The following ODAD2 variants were observed in gnomAD, a reference collection of about 807,000 sequenced individuals.
ODAD2 encodes the protein outer dynein arm docking complex subunit 2.
ODAD2 carries 89 observed loss-of-function variants against 106.8 expected under a neutral mutation model. The ratio of observed to expected loss-of-function variants is 0.83; its 90% CI spans 0.70 to 0.99. ODAD2 has a LOEUF of 0.99. Ranked by LOEUF, ODAD2 falls within the 50% of genes least tolerant of loss-of-function variation. The pLI is 0.00. For missense variants in ODAD2, 1,168 were observed against 1,238.5 expected, an observed-to-expected ratio of 0.94 and a Z score of 0.85; for synonymous variants, 404 against 436.2, an observed-to-expected ratio of 0.93 and a Z score of 0.92.
chr10:27,834,667 C>A (rs1464523075), intron 19 of ODAD2, among the ~76,000 whole-genome samples: 1 of 152,100 alleles, frequency 6.6e-6, no homozygotes, highest in Non-Finnish European at 1.5e-5. Context: ...CAAAGGGAAG[C>A]CATGCTAGTG....
chr10:27,909,538 CG>C, intron 16 of ODAD2, among the ~76,000 whole-genome samples: 1 of 152,112 alleles, frequency 6.6e-6, no homozygotes, highest in Middle Eastern at 3.4e-3. Flanking sequence ...GACTCAGGGG[CG>C]GGGCCCAGTG....
chr10:27,990,750 A>G (rs575914334), intron 2 of ODAD2, among the ~76,000 whole-genome samples: 2 of 152,354 alleles, frequency 1.3e-5, no homozygotes, highest in South Asian at 4.1e-4. Context: ...AAGGTCCAGA[A>G]AGGTATAAAT....
At chr10:27,858,265 T>TC (rs756401498) in intron 19 of ODAD2, among the ~76,000 whole-genome samples, 3 of 152,018 alleles carry the variant, frequency 2.0e-5, no homozygotes, top group Non-Finnish European at 4.4e-5. Context: ...TTGTTATGCT[T>TC]CCCCCATGAC....
intron 19 of ODAD2, among the ~76,000 whole-genome samples, chr10:27,836,404 G>A (rs113497262): frequency 5.3e-4 from 81 of 152,084 alleles, no homozygotes; most frequent in African/African-American, 1.8e-3. Flanking sequence ...TCTTTTTTAC[G>A]TCATTAAATA....
intron 19 of ODAD2, chr10:27,813,514 A>G (rs935291822): frequency 6.6e-6 from 1 of 152,242 alleles, no homozygotes; most frequent in Non-Finnish European, 1.5e-5. Context: ...TCTAGCAATT[A>G]TGATTCTAAT....
chr10:27,864,578 A>AGTGAGGTGAGAC (rs1163719817), intron 17 of ODAD2, among the ~76,000 whole-genome samples: 12 of 76,308 alleles, frequency 1.6e-4, no homozygotes, highest in Non-Finnish European at 2.7e-4. Flanking sequence ...TGAGGTGAGA[A>AGTGAGGTGAGAC]TGGGGAGTGA....
chr10:27,836,527 A>G (rs1837902974), intron 19 of ODAD2, among the ~76,000 whole-genome samples: 1 of 152,052 alleles, frequency 6.6e-6, no homozygotes, highest in African/African-American at 2.4e-5. Flanking sequence ...TTTTTGCAAA[A>G]CTCATCTAAA....
intron 2 of ODAD2, among the ~76,000 whole-genome samples, chr10:27,990,981 C>G (rs1278503836): frequency 6.6e-6 from 1 of 152,084 alleles, no homozygotes; most frequent in Non-Finnish European, 1.5e-5. Flanking sequence ...CAGGTAATAA[C>G]ATTTTCACCA....
Position 27,812,355 on chromosome 10 carries a change from G to T in ODAD2, c.*157C>A. 1 of 648,610 alleles carries T rather than the reference G, an allele frequency of 1.5e-6. No individual in the cohort carries two copies. The highest frequency in any genetic ancestry group is 2.5e-6 in the Non-Finnish European group (1 of 395,140). 40.2% of individuals were successfully genotyped at this position (648,610 alleles called of 1,614,324 possible). A position where few individuals can be genotyped will look rare whatever the true frequency, so the allele number is the denominator to read the frequency against. On this transcript the variant is annotated 3_prime_UTR_variant, in exon 20 of 20. Transcript: ENST00000305242. Reference sequence around the variant, plus strand: ...AACAAAAGTCTCCATGCAATTTTCAGATGAAAAACATTCTGTGCATTTTCA... The same window carrying T: ...AACAAAAGTCTCCATGCAATTTTCATATGAAAAACATTCTGTGCATTTTCA...
intron 10 of ODAD2, among the ~76,000 whole-genome samples, chr10:27,961,119 T>C (rs751085155): frequency 6.6e-6 from 1 of 152,222 alleles, no homozygotes; most frequent in African/African-American, 2.4e-5. Context: ...TATTAAACTT[T>C]ATAATAGTCC....
At chr10:27,928,078 T>C (rs1260513969) in intron 16 of ODAD2, among the ~76,000 whole-genome samples, 1 of 152,140 alleles carries the variant, frequency 6.6e-6, no homozygotes, top group Non-Finnish European at 1.5e-5. Flanking sequence ...TCATTTATTA[T>C]ACAATAAGCA....
intron 7 of ODAD2, among the ~76,000 whole-genome samples, chr10:27,976,453 T>C (rs1436414966): frequency 6.6e-6 from 1 of 152,100 alleles, no homozygotes; most frequent in East Asian, 1.9e-4. Context: ...TGTATATTTA[T>C]ACAATAGCAA....
chr10:27,925,046 A>T (rs1159557254), intron 16 of ODAD2, among the ~76,000 whole-genome samples: 1 of 151,772 alleles, frequency 6.6e-6, no homozygotes, highest in Non-Finnish European at 1.5e-5. Context: ...TGATAACTAG[A>T]TTTTATAAAA....
In ODAD2 at chr10:27,935,103, G is replaced by C. The variant is rs1383330547; in HGVS notation, c.2402C>G (p.Pro801Arg). The stretch of plus-strand genomic sequence containing the variant: ...TATTCCAACAAGGAGGTTCACAAGT[G>C]GTTGAATGCCACCACATTTCCGGAC... ...VIVRKCGGIQ[P>R]LVNLLVGINQ... is the part of the protein sequence containing the mutation. The change falls in exon 16 of 20, where the codon CCA becomes CGA. Residue 801 changes from proline to arginine, a missense_variant. Physicochemically the swap from Pro to Arg is moderately radical, Grantham distance 103. This residue lies in a region of ODAD2 where 701 missense variants were observed against 712.3 expected (regional missense o/e 0.98). Coordinates refer to ENST00000305242, the MANE Select transcript of ODAD2 (RefSeq NM_018076.5). 2.5e-6 allele frequency: 4 copies of C among 1,613,848 alleles called. No individual in the cohort carries two copies. The highest frequency in any genetic ancestry group is 1.7e-5 in the Admixed American group (1 of 59,970).
chr10:27,855,656 G>A (rs1839602714), intron 19 of ODAD2, among the ~76,000 whole-genome samples: 2 of 152,082 alleles, frequency 1.3e-5, no homozygotes, highest in Admixed American at 1.3e-4. Context: ...CCCTGTGCTA[G>A]GCTTCAAAAA....
At chr10:27,814,804 T>C (rs1285276055) in intron 19 of ODAD2, among the ~76,000 whole-genome samples, 1 of 152,306 alleles carries the variant, frequency 6.6e-6, no homozygotes, top group South Asian at 2.1e-4. Context: ...TAACTGTCCA[T>C]AAATCCAACT....
At chr10:27,875,497 G>C (rs1468593117) in intron 17 of ODAD2, among the ~76,000 whole-genome samples, 1 of 152,092 alleles carries the variant, frequency 6.6e-6, no homozygotes, top group Non-Finnish European at 1.5e-5. Flanking sequence ...ATCTACCTTT[G>C]GTCTTTCATG....
chr10:27,903,583 T>A lies in ODAD2; in HGVS notation c.2610+4080A>T, dbSNP rs370461728. Among the ~76,000 whole-genome samples, 11 of 152,306 alleles carry A rather than the reference T, an allele frequency of 7.2e-5. No individual in the cohort carries two copies. In the East Asian group the frequency reaches 1.9e-3, roughly 27 times the overall value. On this transcript the variant is annotated intron_variant, in intron 17 of 19. Transcript: ENST00000305242. ...TCAGCCGAAAATCTCCTTAAGCTGA[T>A]AACCAACTTCAGCAAAGTCTCAGGA...
At chr10:27,979,498 C>T (rs867893163) in intron 7 of ODAD2, among the ~76,000 whole-genome samples, 8 of 150,896 alleles carry the variant, frequency 5.3e-5, no homozygotes, top group African/African-American at 1.5e-4. Flanking sequence ...AGTGAAGTTG[C>T]GAAATTCAAT....
Sources: gnomAD v4.1 joint callset for allele counts (sites outside exome capture counted in the v4.1 genomes callset) on GRCh38, gnomAD v4.1.1 for gene constraint, gnomAD v4.1.1 regional missense constraint, MANE v1.5 for transcripts, NCBI Gene and HGNC (gene_info 2026-07-23, HGNC 2026-07-21) for gene names.